PTPRD: variants seen among roughly 807,000 people sequenced by gnomAD.
PTPRD encodes protein tyrosine phosphatase receptor type D.
A neutral mutation model predicts 214.5 loss-of-function variants in PTPRD; 34 were observed. That is an observed-to-expected ratio of 0.16 (90% CI 0.12 to 0.21). The LOEUF (loss-of-function observed/expected upper bound fraction) is 0.21. Among genes scored for constraint, PTPRD ranks in the 10% least tolerant of loss-of-function variants. The probability of loss-of-function intolerance (pLI) is 1.00; values close to 1 mark genes in which losing one functional copy is unlikely to be tolerated. For synonymous variants in PTPRD, 1,128 were observed against 845.7 expected (o/e 1.33, Z -5.79); for missense variants, 2,545 against 2,398.7 (o/e 1.06, Z -1.27).
intron 3 of PTPRD, among the ~76,000 whole-genome samples, chr9:10,069,793 A>G (rs989968217): frequency 3.3e-5 from 5 of 152,072 alleles, no homozygotes; most frequent in Admixed American, 2.6e-4. Flanking sequence ...CAATTATGAA[A>G]TGAACAAACT....
chr9:10,610,520 T>C (rs1037120575), intron 2 of PTPRD, among the ~76,000 whole-genome samples: 6 of 151,958 alleles, frequency 3.9e-5, no homozygotes, highest in Admixed American at 2.6e-4. Context: ...TTTTTTTTTT[T>C]CCAAATATCA....
chr9:10,036,020 C>G (rs1188658797), intron 3 of PTPRD, among the ~76,000 whole-genome samples: 1 of 152,046 alleles, frequency 6.6e-6, no homozygotes, highest in Non-Finnish European at 1.5e-5. Context: ...TTCAGATTCC[C>G]ACTGGTCTGT....
At chr9:9,725,110 T>C (rs771939667) in intron 7 of PTPRD, among the ~76,000 whole-genome samples, 7 of 152,108 alleles carry the variant, frequency 4.6e-5, no homozygotes, top group Non-Finnish European at 1.0e-4. Context: ...ACACATCCTC[T>C]TTTGCTTCAA....
intron 11 of PTPRD, among the ~76,000 whole-genome samples, chr9:8,793,030 C>T (rs546095791): frequency 2.0e-5 from 3 of 152,138 alleles, no homozygotes; most frequent in Admixed American, 1.3e-4. Flanking sequence ...AAGAAGCTGG[C>T]GACCTATGTA....
At chr9:8,857,161 T>C (rs1388410901) in intron 11 of PTPRD, among the ~76,000 whole-genome samples, 2 of 152,062 alleles carry the variant, frequency 1.3e-5, no homozygotes, top group African/African-American at 4.8e-5. Context: ...TCCTGCTATT[T>C]CTCCTTCTCC....
intron 2 of PTPRD, among the ~76,000 whole-genome samples, chr9:10,598,887 G>A (rs369360047): frequency 6.6e-6 from 1 of 151,536 alleles, no homozygotes; most frequent in East Asian, 1.9e-4. Context: ...ACCAATTTTT[G>A]ATATGATGAG....
intron 39 of PTPRD, among the ~76,000 whole-genome samples, chr9:8,355,817 T>C (rs1019208519): frequency 5.9e-5 from 9 of 152,282 alleles, no homozygotes; most frequent in Non-Finnish European, 7.4e-5. Flanking sequence ...GGACCAAAGA[T>C]TGTGCATTTC....
At chr9:9,026,693 A>G (rs1418360730) in intron 10 of PTPRD, among the ~76,000 whole-genome samples, 1 of 151,938 alleles carries the variant, frequency 6.6e-6, no homozygotes, top group Non-Finnish European at 1.5e-5. Flanking sequence ...CTGCATCGAC[A>G]TTAATGCTGA....
chr9:10,405,950 A>G lies in PTPRD; in HGVS notation c.-599-64933T>C, dbSNP rs559403719. ...TTCTACAGCATATTAATGCTCTTAAACTATATCAATGTATATTATTATGTG... is the reference window on the plus strand; with the variant it reads ...TTCTACAGCATATTAATGCTCTTAAGCTATATCAATGTATATTATTATGTG... On this transcript the variant is annotated intron_variant, in intron 2 of 45. Coordinates refer to ENST00000381196, the MANE Select transcript of PTPRD (RefSeq NM_002839.4). Among the ~76,000 whole-genome samples the G allele has an allele frequency of 3.6e-4, 55 of 151,612 alleles. No individual in the cohort carries two copies. In the Middle Eastern group the frequency reaches 0.019, roughly 52 times the overall value.
At chr9:8,428,690 T>C (rs2094852382) in intron 35 of PTPRD, among the ~76,000 whole-genome samples, 1 of 152,170 alleles carries the variant, frequency 6.6e-6, no homozygotes, top group Non-Finnish European at 1.5e-5. Flanking sequence ...TGTGTGTATG[T>C]GTGTGTGTTT....
intron 10 of PTPRD, among the ~76,000 whole-genome samples, chr9:9,065,423 G>T (rs2099725933): frequency 6.6e-6 from 1 of 152,178 alleles, no homozygotes; most frequent in Non-Finnish European, 1.5e-5. Context: ...GTACTAGCAT[G>T]TGTGAGGAAC....
intron 10 of PTPRD, among the ~76,000 whole-genome samples, chr9:9,099,570 G>T (rs755835457): frequency 6.6e-6 from 1 of 152,106 alleles, no homozygotes; most frequent in African/African-American, 2.4e-5. Context: ...CAAAGTAGGA[G>T]AACAATATCT....
chr9:10,256,392 C>G (rs1049421806), intron 3 of PTPRD, among the ~76,000 whole-genome samples: 1 of 143,936 alleles, frequency 6.9e-6, no homozygotes, highest in Non-Finnish European at 1.5e-5. Flanking sequence ...GCTTGAATTA[C>G]AGCTTTTTTT....
intron 11 of PTPRD, among the ~76,000 whole-genome samples, chr9:9,008,429 G>T (rs977099273): frequency 6.6e-6 from 1 of 151,478 alleles, no homozygotes; most frequent in South Asian, 2.1e-4. Context: ...GGGTTTCACC[G>T]TGTTAGCCAG....
At chr9:8,519,818 G>A (rs1439664714) in intron 20 of PTPRD, among the ~76,000 whole-genome samples, 4 of 152,158 alleles carry the variant, frequency 2.6e-5, no homozygotes, top group Non-Finnish European at 5.9e-5. Flanking sequence ...AGTGGCAAGA[G>A]TCAGGAAAAC....
chr9:10,547,887 C>T (rs188926644), intron 2 of PTPRD, among the ~76,000 whole-genome samples: 147 of 151,976 alleles, frequency 9.7e-4, no homozygotes, highest in African/African-American at 3.3e-3. Context: ...TGGTTGGGAT[C>T]GTGTTTTAAT....
intron 2 of PTPRD, among the ~76,000 whole-genome samples, chr9:10,347,469 G>A (rs534325380): frequency 2.7e-5 from 4 of 146,128 alleles, no homozygotes; most frequent in African/African-American, 5.1e-5. Flanking sequence ...GGAGTGCAAC[G>A]GCACAATCTC....
At chr9:9,826,509 T>C (rs191424181) in intron 5 of PTPRD, among the ~76,000 whole-genome samples, 83 of 152,090 alleles carry the variant, frequency 5.5e-4, no homozygotes, top group Middle Eastern at 3.4e-3. Flanking sequence ...GACAGTACCA[T>C]TATAAAGTAA....
intron 3 of PTPRD, among the ~76,000 whole-genome samples, chr9:10,170,083 A>C (rs1030826169): frequency 6.6e-6 from 1 of 152,220 alleles, no homozygotes; most frequent in Admixed American, 6.5e-5. Flanking sequence ...TTTGCATATC[A>C]AGAATTTCAA....
Sources: gnomAD v4.1 joint callset for allele counts (sites outside exome capture counted in the v4.1 genomes callset) on GRCh38, gnomAD v4.1.1 for gene constraint, MANE v1.5 for transcripts, NCBI Gene and HGNC (gene_info 2026-07-23, HGNC 2026-07-21) for gene names.